Variants in ADAM22 observed in about 807,000 individuals in gnomAD.
ADAM22 encodes ADAM metallopeptidase domain 22, also known as disintegrin and metalloproteinase domain-containing protein 22.
ADAM22 carries 65 observed loss-of-function variants against 144.6 expected under a neutral mutation model. That is an observed-to-expected ratio of 0.45 (90% CI 0.37 to 0.55). The LOEUF is 0.55. ADAM22 is among the 20% of genes least tolerant of loss of function. The pLI is 0.00. For missense variants in ADAM22, 974 were observed against 1,184.9 expected, an observed-to-expected ratio of 0.82 and a Z score of 2.61; for synonymous variants, 391 against 412.6, an observed-to-expected ratio of 0.95 and a Z score of 0.63.
intron 15 of ADAM22, among the ~76,000 whole-genome samples, chr7:88,144,850 G>A (rs1434109712): frequency 6.6e-6 from 1 of 151,788 alleles, no homozygotes; most frequent in Non-Finnish European, 1.5e-5. Context: ...TAATTTTGAT[G>A]ACATTTACCA....
chr7:87,956,425 A>G (rs116861601), intron 2 of ADAM22, among the ~76,000 whole-genome samples: 1,844 of 152,304 alleles, frequency 0.012, 32 homozygotes, highest in East Asian at 0.045. Context: ...TATCTTACTT[A>G]TATGTATTTT....
intron 3 of ADAM22, among the ~76,000 whole-genome samples, chr7:87,989,917 C>T (rs543000925): frequency 1.2e-4 from 18 of 150,396 alleles, no homozygotes; most frequent in Non-Finnish European, 1.9e-4. Context: ...GAGACTCCAT[C>T]TCAAAGAAAA....
chr7:88,038,494 G>A (rs962956792), intron 3 of ADAM22, among the ~76,000 whole-genome samples: 3 of 142,350 alleles, frequency 2.1e-5, no homozygotes, highest in African/African-American at 5.3e-5. Flanking sequence ...TCGCTCTGTC[G>A]CCCAGGCTGG....
chr7:87,987,959 TCAGA>T (rs1788867669), intron 3 of ADAM22, among the ~76,000 whole-genome samples: 1 of 152,200 alleles, frequency 6.6e-6, no homozygotes, highest in African/African-American at 2.4e-5. Context: ...ATAACCATTC[TCAGA>T]CAGGGACTGT....
chr7:87,999,375 G>T (rs558672453), intron 3 of ADAM22, among the ~76,000 whole-genome samples: 1 of 151,264 alleles, frequency 6.6e-6, no homozygotes, highest in Non-Finnish European at 1.5e-5. Context: ...TCTATGTGGG[G>T]TGTTATTTTC....
chr7:88,060,779 AAAC>A, intron 3 of ADAM22, among the ~76,000 whole-genome samples: 1 of 150,670 alleles, frequency 6.6e-6, no homozygotes. Flanking sequence ...AAAAAAAAAA[AAAC>A]AAAAAACACT....
rs1554478638 is a variant in ADAM22 at position 88,113,699 on chromosome 7, A to ATATATATATAATATATATATT, written c.474-885_474-884insTATATATATAATATATATATT. ...ATAATATATATATTATAAATAAATA[A>ATATATATATAATATATATATT]ATAAATATATATATATATATATATA... is the stretch of plus-strand genomic sequence containing the variant. On this transcript the variant is annotated intron_variant, in intron 5 of 31. Transcript: ENST00000413139. Among the ~76,000 whole-genome samples the ATATATATATAATATATATATT allele has an allele frequency of 1.8e-4, 7 of 39,462 alleles. 1 individual carries two copies. The highest frequency in any genetic ancestry group is 7.9e-4 in the African/African-American group (7 of 8,860). The allele number at this position is 39,462 out of a possible 152,430, so 25.9% of individuals were successfully genotyped here.
chr7:88,060,975 G>T (rs1469218108), intron 3 of ADAM22, among the ~76,000 whole-genome samples: 1 of 150,756 alleles, frequency 6.6e-6, no homozygotes, highest in Non-Finnish European at 1.5e-5. Context: ...GTGGTGGCAG[G>T]CACCTGTAGT....
intron 3 of ADAM22, among the ~76,000 whole-genome samples, chr7:88,057,090 A>G (rs972917395): frequency 1.3e-5 from 2 of 152,124 alleles, no homozygotes; most frequent in East Asian, 1.9e-4. Flanking sequence ...TAGGGCAGGT[A>G]GGATTTGCTT....
At chr7:88,029,347 G>C (rs1249533999) in intron 3 of ADAM22, among the ~76,000 whole-genome samples, 1 of 152,052 alleles carries the variant, frequency 6.6e-6, no homozygotes, top group African/African-American at 2.4e-5. Flanking sequence ...ATACACAAAA[G>C]AAAGCTAATA....
chr7:87,941,568 T>C (rs1842481770), intron 2 of ADAM22, among the ~76,000 whole-genome samples: 1 of 152,112 alleles, frequency 6.6e-6, no homozygotes, highest in Non-Finnish European at 1.5e-5. Context: ...TTGCCACCAA[T>C]CAGAACTTTG....
intron 26 of ADAM22, among the ~76,000 whole-genome samples, chr7:88,172,349 T>TA (rs1586471446): frequency 2.6e-5 from 4 of 152,066 alleles, no homozygotes. Flanking sequence ...TAGCTATTGA[T>TA]AAAAAATATT....
chr7:88,135,860 TTAC>T (rs1435049489), intron 13 of ADAM22, 117 bp from the exon 14 acceptor site: 11 of 712,328 alleles, frequency 1.5e-5, no homozygotes, highest in Non-Finnish European at 2.4e-5. Flanking sequence ...TAGAAAGAAG[TTAC>T]TACTTTTTAA....
intron 2 of ADAM22, among the ~76,000 whole-genome samples, chr7:87,947,423 G>C (rs1422731878): frequency 6.6e-6 from 1 of 152,058 alleles, no homozygotes; most frequent in African/African-American, 2.4e-5. Context: ...GTCACCAAAG[G>C]TGAAGCCATT....
chr7:88,046,463 G>C (rs968017400), intron 3 of ADAM22, among the ~76,000 whole-genome samples: 5 of 151,926 alleles, frequency 3.3e-5, no homozygotes, highest in Non-Finnish European at 7.4e-5. Context: ...CATATATTTT[G>C]GATGTTAACA....
At position 88,075,649 on chromosome 7, in the gene ADAM22, T is replaced by C. The variant is rs201523874; in HGVS notation, c.347T>C (p.Ile116Thr). 6.3e-5 allele frequency: 101 copies of C among 1,613,894 alleles called. No homozygotes were observed. In the African/African-American group the frequency reaches 6.7e-4, roughly 11 times the overall value. ...LNHDLLSSEY[I>T]ERHIEHGGKT... ...AGTGATTTGCTGTCCTCTGAATACA[T>C]AGAGAGACACATTGAACATGGAGGC... Residue 116 changes from isoleucine to threonine, a missense_variant, in exon 4 of 32, where the codon ATA (isoleucine) becomes ACA (threonine). Transcript: ENST00000413139.
chr7:88,072,568 A>T (rs542115421), intron 3 of ADAM22, among the ~76,000 whole-genome samples: 44 of 152,198 alleles, frequency 2.9e-4, no homozygotes, highest in Admixed American at 1.2e-3. Flanking sequence ...GGTGTTCTGC[A>T]TTCAGGGACT....
intron 3 of ADAM22, among the ~76,000 whole-genome samples, chr7:88,047,861 C>T (rs10256684): frequency 0.043 from 6,478 of 151,736 alleles, 434 homozygotes; most frequent in African/African-American, 0.15. Flanking sequence ...TAAATAAATG[C>T]ATCAGATGTA....
chr7:88,127,138 A>G (rs1295504396), intron 8 of ADAM22, among the ~76,000 whole-genome samples: 1 of 151,910 alleles, frequency 6.6e-6, no homozygotes, highest in East Asian at 1.9e-4. Flanking sequence ...ACGTATCTTG[A>G]GGCCCAGTTA....
Sources: gnomAD v4.1 joint callset for allele counts (sites outside exome capture counted in the v4.1 genomes callset) on GRCh38, gnomAD v4.1.1 for gene constraint, MANE v1.5 for transcripts, NCBI Gene and HGNC (gene_info 2026-07-23, HGNC 2026-07-21) for gene names.